Variants in DCT observed in about 807,000 individuals in gnomAD.
The protein encoded by DCT is L-dopachrome tautomerase.
Under a neutral mutation model 53.0 loss-of-function variants are expected in DCT, and 47 were observed. That is an observed-to-expected ratio of 0.89 (90% CI 0.70 to 1.13). The LOEUF (loss-of-function observed/expected upper bound fraction) is 1.13. Ranked by LOEUF, DCT falls within the 50% of genes most tolerant of loss-of-function variation. DCT has a pLI of 0.00. For synonymous variants in DCT, 244 were observed against 237.0 expected (o/e 1.03, Z -0.27); for missense variants, 669 against 637.4 (o/e 1.05, Z -0.53).
chr13:94,543,763 G>A, the DCT span, among the ~76,000 whole-genome samples: 6 of 152,080 alleles, frequency 3.9e-5, no homozygotes, highest in Admixed American at 2.0e-4. Context: ...GGCCAGGCAC[G>A]GTGGCTCACG....
chr13:94,536,336 G>C, the DCT span, among the ~76,000 whole-genome samples: 1 of 152,140 alleles, frequency 6.6e-6, no homozygotes, highest in African/African-American at 2.4e-5. Context: ...CTCTTCAAAG[G>C]GGACCTCCCA....
chr13:94,548,026 T>C, the DCT span, among the ~76,000 whole-genome samples: 2 of 144,152 alleles, frequency 1.4e-5, no homozygotes, highest in Non-Finnish European at 3.0e-5. Context: ...GAGGACCCAC[T>C]GCTCCATAGA....
chr13:94,457,087 A>G (rs887235965), intron 6 of DCT, among the ~76,000 whole-genome samples: 23 of 152,182 alleles, frequency 1.5e-4, no homozygotes, highest in African/African-American at 5.3e-4. Flanking sequence ...TCAAAATTGC[A>G]CCACTGCATT....
At chr13:94,455,007 T>C (rs1301431013) in intron 6 of DCT, among the ~76,000 whole-genome samples, 4 of 152,216 alleles carry the variant, frequency 2.6e-5, no homozygotes, top group African/African-American at 9.6e-5. Flanking sequence ...AAATGTCTTA[T>C]ATCTCTGAAC....
chr13:94,513,724 C>T, the DCT span, among the ~76,000 whole-genome samples: 13 of 152,046 alleles, frequency 8.6e-5, no homozygotes, highest in Non-Finnish European at 1.5e-4. Context: ...CGGTGGGTCA[C>T]GCCTGTAATC....
intron 6 of DCT, among the ~76,000 whole-genome samples, chr13:94,453,459 T>C (rs1883225411): frequency 6.6e-6 from 1 of 152,176 alleles, no homozygotes; most frequent in African/African-American, 2.4e-5. Flanking sequence ...ACAACAATGT[T>C]ATTTTATTTT....
chr13:94,466,352 G>C (rs12876569), intron 3 of DCT, among the ~76,000 whole-genome samples: 24,011 of 151,822 alleles, frequency 0.16, 2,100 homozygotes, highest in Non-Finnish European at 0.2. Context: ...TTTGCCAAGA[G>C]AGTAGACCTT....
At chr13:94,442,712 C>T (rs1468421309) in intron 7 of DCT, among the ~76,000 whole-genome samples, 1 of 152,196 alleles carries the variant, frequency 6.6e-6, no homozygotes, top group Non-Finnish European at 1.5e-5. Context: ...TAGAGTCCCA[C>T]GTAGCCCAAT....
the DCT span, among the ~76,000 whole-genome samples, chr13:94,515,433 A>G: frequency 7.9e-5 from 12 of 152,208 alleles, no homozygotes; most frequent in African/African-American, 2.9e-4. Flanking sequence ...TTGGAAACCA[A>G]TTGGATGCGG....
At chr13:94,458,662 C>T (rs906838504) in intron 6 of DCT, among the ~76,000 whole-genome samples, 11 of 151,914 alleles carry the variant, frequency 7.2e-5, no homozygotes, top group Middle Eastern at 3.4e-3. Context: ...ATTAACCGGG[C>T]GTGGTGGCGT....
chr13:94,505,572 T>A, the DCT span, among the ~76,000 whole-genome samples: 1 of 152,176 alleles, frequency 6.6e-6, no homozygotes, highest in African/African-American at 2.4e-5. Context: ...GGGAGCATAT[T>A]TTCCTTTTCG....
intron 6 of DCT, among the ~76,000 whole-genome samples, chr13:94,451,985 G>A (rs989839905): frequency 3.9e-5 from 6 of 151,918 alleles, no homozygotes; most frequent in Admixed American, 3.9e-4. Flanking sequence ...TCACAGAAAA[G>A]GAGGTGCAAA....
At chr13:94,503,403 A>AGAGGG in the DCT span, among the ~76,000 whole-genome samples, 1 of 125,146 alleles carries the variant, frequency 8.0e-6, no homozygotes, top group Non-Finnish European at 1.6e-5. Context: ...GAAGGAGAGG[A>AGAGGG]GAGGGGAGGG....
intron 7 of DCT, 65 bp downstream of exon 7, chr13:94,443,371 A>C (rs943586388): frequency 4.4e-5 from 58 of 1,305,560 alleles, no homozygotes; most frequent in East Asian, 2.1e-4. Context: ...ATAAAGAAAG[A>C]AAGCAAGAAA....
the DCT span, among the ~76,000 whole-genome samples, chr13:94,496,956 C>T: frequency 3.5e-4 from 53 of 152,278 alleles, no homozygotes; most frequent in Admixed American, 2.6e-3. Context: ...ACAGGGAACA[C>T]GTTAAGAGTT....
At chr13:94,446,102 G>C (rs1408856450) in intron 6 of DCT, among the ~76,000 whole-genome samples, 1 of 152,210 alleles carries the variant, frequency 6.6e-6, no homozygotes, top group Non-Finnish European at 1.5e-5. Context: ...AACGGGGATA[G>C]TGACGCAGCT....
At chr13:94,496,525 T>C in the DCT span, among the ~76,000 whole-genome samples, 1 of 152,118 alleles carries the variant, frequency 6.6e-6, no homozygotes, top group Non-Finnish European at 1.5e-5. Context: ...TATTAACATT[T>C]TCACTCATCT....
At chr13:94,530,296 G>T in the DCT span, among the ~76,000 whole-genome samples, 2 of 152,212 alleles carry the variant, frequency 1.3e-5, no homozygotes, top group Non-Finnish European at 2.9e-5. Context: ...TATGAGGCTA[G>T]CGTCATCCTG....
At chr13:94,470,164 A>T (rs1017727041) in intron 1 of DCT, among the ~76,000 whole-genome samples, 2 of 152,226 alleles carry the variant, frequency 1.3e-5, no homozygotes, top group African/African-American at 4.8e-5. Context: ...GATTTCTAGG[A>T]ATTTAGAAGA....
Sources: allele counts gnomAD v4.1 joint callset (sites outside exome capture counted in the v4.1 genomes callset), GRCh38; gene constraint gnomAD v4.1.1; transcripts MANE v1.5; gene names NCBI Gene and HGNC (gene_info 2026-07-23, HGNC 2026-07-21).